The following ABCA13 variants were observed in gnomAD, a reference collection of about 807,000 sequenced individuals.
The protein encoded by ABCA13 is ATP-binding cassette sub-family A member 13.
In ABCA13, 476 loss-of-function variants were observed where a neutral mutation model predicts 478.7. The ratio of observed to expected loss-of-function variants is 0.99; its 90% CI spans 0.92 to 1.07. ABCA13 has a LOEUF of 1.07. ABCA13 is among the 50% of genes least tolerant of loss of function. The pLI is 0.00. For missense variants in ABCA13, 6,060 were observed against 5,910.6 expected (o/e 1.03, Z -0.83); for synonymous variants, 2,252 against 2,158.9 (o/e 1.04, Z -1.20).
intron 50 of ABCA13, among the ~76,000 whole-genome samples, chr7:48,510,196 C>T (rs1423818957): frequency 6.6e-6 from 1 of 152,046 alleles, no homozygotes; most frequent in African/African-American, 2.4e-5. Context: ...ATGACTGGGT[C>T]TGTTGAAAGA....
intron 31 of ABCA13, among the ~76,000 whole-genome samples, chr7:48,366,253 T>C (rs1352345596): frequency 6.6e-6 from 1 of 152,080 alleles, no homozygotes; most frequent in East Asian, 1.9e-4. Flanking sequence ...TTTTTTTTCC[T>C]TTGCCTGGAG....
At chr7:48,380,817 C>T (rs1814234814) in intron 35 of ABCA13, among the ~76,000 whole-genome samples, 1 of 152,166 alleles carries the variant, frequency 6.6e-6, no homozygotes, top group Non-Finnish European at 1.5e-5. Context: ...AAAGGACTCA[C>T]CTGTGGATGT....
intron 53 of ABCA13, among the ~76,000 whole-genome samples, chr7:48,522,219 C>T (rs1225904836): frequency 6.6e-6 from 1 of 152,168 alleles, no homozygotes; most frequent in Non-Finnish European, 1.5e-5. Context: ...ATGGATAGAT[C>T]CTGCCTTCCC....
intron 49 of ABCA13, among the ~76,000 whole-genome samples, chr7:48,507,043 C>G (rs1269163386): frequency 6.6e-6 from 1 of 152,218 alleles, no homozygotes; most frequent in African/African-American, 2.4e-5. Context: ...ATTCTCTGCT[C>G]AAGTTGTTAA....
chr7:48,317,396 T>C (rs984416083), intron 27 of ABCA13, 100 bp downstream of exon 27: 24 of 1,271,282 alleles, frequency 1.9e-5, no homozygotes, highest in Non-Finnish European at 2.3e-5. Flanking sequence ...CCTTGGATTA[T>C]GTAGAAGGCT....
At chr7:48,545,391 A>G (rs1784734887) in intron 55 of ABCA13, among the ~76,000 whole-genome samples, 1 of 151,228 alleles carries the variant, frequency 6.6e-6, no homozygotes, top group Non-Finnish European at 1.5e-5. Context: ...TAGAACTGAA[A>G]CTCCTAGAAT....
At chr7:48,214,987 T>A (rs1786228128) in intron 3 of ABCA13, among the ~76,000 whole-genome samples, 1 of 152,192 alleles carries the variant, frequency 6.6e-6, no homozygotes, top group East Asian at 1.9e-4. Context: ...CCATCTCAGC[T>A]TTTAACATGC....
At chr7:48,296,680 T>C (rs1799424458) in intron 21 of ABCA13, among the ~76,000 whole-genome samples, 1 of 152,028 alleles carries the variant, frequency 6.6e-6, no homozygotes, top group Non-Finnish European at 1.5e-5. Flanking sequence ...GCCAGGATGG[T>C]CTCCATCTCC....
chr7:48,536,845 T>C (rs1833617963), intron 55 of ABCA13, among the ~76,000 whole-genome samples: 2 of 151,972 alleles, frequency 1.3e-5, no homozygotes, highest in Admixed American at 1.3e-4. Flanking sequence ...ATAGATTTTA[T>C]ATTTATTATT....
chr7:48,350,124 A>G (rs1195954168), intron 29 of ABCA13, among the ~76,000 whole-genome samples: 2 of 152,244 alleles, frequency 1.3e-5, no homozygotes, highest in Non-Finnish European at 2.9e-5. Context: ...GCACAGATCC[A>G]GGACAAAGAC....
intron 5 of ABCA13, among the ~76,000 whole-genome samples, chr7:48,226,903 G>T (rs1464938854): frequency 6.6e-6 from 1 of 152,056 alleles, no homozygotes; most frequent in Non-Finnish European, 1.5e-5. Context: ...TACATGTAAA[G>T]AATAGATCAT....
chr7:48,239,349 T>C lies in ABCA13; in HGVS notation c.1006T>C (p.Ser336Pro), dbSNP rs1313903291. The change falls in exon 9 of 62, where the codon TCA becomes CCA. Residue 336 changes from serine to proline, a missense_variant. Transcript: ENST00000435803. ...GHVGGCHPKW[S>P]EAKNYLVHAV... is the part of the protein sequence containing the mutation. ...CGTTGGAGGCTGCCACCCTAAGTGG[T>C]CAGAAGCCAAAAACTATCTTGTCCA... 1 of 1,613,726 alleles carries C rather than the reference T, an allele frequency of 6.2e-7. No homozygotes were observed. Among genetic ancestry groups the C allele is most frequent in the Non-Finnish European group, 8.5e-7 (1 of 1,179,834 alleles).
At chr7:48,584,989 C>T (rs1395077559) in intron 56 of ABCA13, among the ~76,000 whole-genome samples, 1 of 152,102 alleles carries the variant, frequency 6.6e-6, no homozygotes, top group Non-Finnish European at 1.5e-5. Context: ...TTCCAGGAAG[C>T]CTCCCTGGTT....
At chr7:48,226,992 T>C (rs956498069) in intron 5 of ABCA13, among the ~76,000 whole-genome samples, 4 of 152,136 alleles carry the variant, frequency 2.6e-5, no homozygotes, top group Non-Finnish European at 1.5e-5. Flanking sequence ...GTTACAAAAA[T>C]CGGCCTTCTT....
At chr7:48,592,967 T>C (rs1031738990) in intron 57 of ABCA13, among the ~76,000 whole-genome samples, 45 of 152,008 alleles carry the variant, frequency 3.0e-4, no homozygotes, top group African/African-American at 9.2e-4. Flanking sequence ...CCAAAAAAAC[T>C]GTACTAAGTC....
At chr7:48,233,597 C>G (rs776539340) in intron 7 of ABCA13, among the ~76,000 whole-genome samples, 7 of 152,088 alleles carry the variant, frequency 4.6e-5, no homozygotes, top group Non-Finnish European at 7.4e-5. Flanking sequence ...TATAATTTAT[C>G]CTTTCCCTGG....
At chr7:48,422,775 C>A (rs556730143) in intron 41 of ABCA13, among the ~76,000 whole-genome samples, 2 of 152,252 alleles carry the variant, frequency 1.3e-5, no homozygotes, top group South Asian at 2.1e-4. Flanking sequence ...GGAGATATCC[C>A]AAATTATCTG....
At chr7:48,296,117 T>A (rs1799330160) in intron 21 of ABCA13, among the ~76,000 whole-genome samples, 1 of 152,218 alleles carries the variant, frequency 6.6e-6, no homozygotes, top group Non-Finnish European at 1.5e-5. Flanking sequence ...TCCACAACGC[T>A]TGGTGGCAAA....
rs562291617 is a variant in ABCA13, at chr7:48,193,664, AGAT to A, written c.163+620_163+622del. The stretch of plus-strand genomic sequence containing the variant: ...GTAACTATGATGATGATGATGATGG[AGAT>A]GATGATGGAGATGATGATAGTGATG... On this transcript the variant is annotated intron_variant, in intron 2 of 61. Coordinates refer to ENST00000435803, the MANE Select transcript of ABCA13 (RefSeq NM_152701.5). Among the ~76,000 whole-genome samples, 677 of 148,428 alleles carry A rather than the reference AGAT, an allele frequency of 4.6e-3. 5 individuals are homozygous for A. The highest frequency in any genetic ancestry group is 6.3e-3 in the Non-Finnish European group (419 of 66,758).
Sources: allele counts gnomAD v4.1 joint callset (sites outside exome capture counted in the v4.1 genomes callset), GRCh38; gene constraint gnomAD v4.1.1; transcripts MANE v1.5; gene names NCBI Gene and HGNC (gene_info 2026-07-23, HGNC 2026-07-21).